FBXO25: variants seen among roughly 807,000 people sequenced by gnomAD.
FBXO25 encodes F-box only protein 25.
FBXO25 carries 45 observed loss-of-function variants against 51.9 expected under a neutral mutation model. The observed-to-expected ratio is 0.87, with a 90% confidence interval of 0.68 to 1.11. The LOEUF (loss-of-function observed/expected upper bound fraction) is 1.11. Ranked by LOEUF, FBXO25 falls within the 50% of genes most tolerant of loss-of-function variation. The pLI, the probability that FBXO25 is intolerant of heterozygous loss-of-function variation, is 0.00. For synonymous variants in FBXO25, 199 were observed against 151.0 expected (o/e 1.32, Z -2.33); for missense variants, 507 against 428.5 (o/e 1.18, Z -1.62).
chr8:408,555 G>C (rs1288033854), intron 1 of FBXO25, among the ~76,000 whole-genome samples: 1 of 152,226 alleles, frequency 6.6e-6, no homozygotes, highest in Non-Finnish European at 1.5e-5. Flanking sequence ...GACAGTGTGA[G>C]GATTAAATGA....
chr8:462,382 G>C (rs1230036234), intron 8 of FBXO25, among the ~76,000 whole-genome samples: 1 of 151,970 alleles, frequency 6.6e-6, no homozygotes, highest in Non-Finnish European at 1.5e-5. Flanking sequence ...CTAGATATAA[G>C]TCTGTTATCA....
At chr8:467,734 T>G (rs763692638) in intron 9 of FBXO25, 2 of 1,614,132 alleles carry the variant, frequency 1.2e-6, no homozygotes, top group African/African-American at 1.3e-5. Context: ...ACCATCTTGC[T>G]TTACTATTCA....
chr8:429,899 C>G (rs1797715177), intron 2 of FBXO25, among the ~76,000 whole-genome samples: 1 of 152,208 alleles, frequency 6.6e-6, no homozygotes, highest in Non-Finnish European at 1.5e-5. Flanking sequence ...CCATCTAGGC[C>G]CAGATTCACA....
At chr8:423,708 G>C (rs570625326) in intron 2 of FBXO25, among the ~76,000 whole-genome samples, 1 of 152,314 alleles carries the variant, frequency 6.6e-6, no homozygotes, top group South Asian at 2.1e-4. Flanking sequence ...GGGCACCTGG[G>C]TTGATTCTGT....
chr8:457,183 A>G (rs1365634626), intron 7 of FBXO25, among the ~76,000 whole-genome samples: 1 of 152,196 alleles, frequency 6.6e-6, no homozygotes, highest in African/African-American at 2.4e-5. Flanking sequence ...TGGGGTCAGG[A>G]GCTGAGGCGG....
rs781303667 is a variant in FBXO25 at position 431,427 on chromosome 8, A to T, written c.221A>T (p.Asn74Ile). The T allele has an allele frequency of 6.6e-7, 1 of 1,518,944 alleles. No homozygotes were observed. The highest frequency in any genetic ancestry group is 1.2e-5 in the South Asian group (1 of 81,900). The allele number at this position is 1,518,944 out of a possible 1,614,324, so 94.1% of individuals were successfully genotyped here. A position where few individuals can be genotyped will look rare whatever the true frequency, so the allele number is the denominator to read the frequency against. Residue 74 changes from asparagine (N) to isoleucine (I), a missense_variant, in exon 3 of 10, where the codon AAT becomes ATT. By Grantham distance (149) the Asn-to-Ile change is moderately radical (BLOSUM62 -3). Transcript: ENST00000350302. ...AAAAGGAAAAAGGACCATTTTAGAAATGACACAAATACTCAAAGTAAGATC... is the reference window on the plus strand; with the variant it reads ...AAAAGGAAAAAGGACCATTTTAGAATTGACACAAATACTCAAAGTAAGATC... ...SKKRKKDHFRNDTNTQSFYRE... is the reference protein window; with the variant it reads ...SKKRKKDHFRIDTNTQSFYRE...
In FBXO25 at chr8:439,022, A is replaced by C. The variant is rs563750310; in HGVS notation, c.381+3315A>C. 1.3e-4 allele frequency among the ~76,000 whole-genome samples: 20 copies of C among 152,318 alleles called. No individual in the cohort carries two copies. The South Asian group carries it at 2.1e-3, about 16-fold the overall frequency. ...GTCAAAGTGGAGTAAGTGTGTCCCA[A>C]CTGCAGTGAGGAGCTGCACTTCCAT... is the stretch of plus-strand genomic sequence containing the variant. On this transcript the variant is annotated intron_variant, in intron 5 of 9. Coordinates refer to ENST00000350302, the MANE Select transcript of FBXO25 (RefSeq NM_183420.2).
chr8:419,040 A>C (rs113749793), intron 2 of FBXO25, among the ~76,000 whole-genome samples: 85 of 152,322 alleles, frequency 5.6e-4, no homozygotes, highest in Admixed American at 1.7e-3. Context: ...CATATTAAAA[A>C]CTTATACCTA....
chr8:408,712 C>T (rs1199542244), intron 1 of FBXO25, among the ~76,000 whole-genome samples: 2 of 152,140 alleles, frequency 1.3e-5, no homozygotes, highest in Non-Finnish European at 2.9e-5. Flanking sequence ...AGAGTTTCCA[C>T]CAGCAAATGA....
At position 432,897 on chromosome 8, in the gene FBXO25, G is replaced by A. The variant is rs765831284; in HGVS notation, c.250G>A (p.Glu84Lys). 3.9e-6 allele frequency: 6 copies of A among 1,552,204 alleles called. No homozygotes were observed. In the African/African-American group the frequency reaches 8.4e-5, roughly 22 times the overall value. ...AATTTTTATTCTAGGTTTTTATCGT[G>A]AAAAATGGATCTATGTCCATAAAGA... ...NDTNTQSFYR[E>K]KWIYVHKEST... is the part of the protein sequence containing the mutation. Residue 84 changes from glutamate (E) to lysine (K), a missense_variant, in exon 4 of 10, where the codon GAA (glutamate) becomes AAA (lysine). By Grantham distance (56) the Glu-to-Lys change is moderately conservative. Transcript: ENST00000350302.
chr8:463,394 G>C (rs377733677), intron 9 of FBXO25, among the ~76,000 whole-genome samples: 2 of 152,210 alleles, frequency 1.3e-5, no homozygotes, highest in East Asian at 3.8e-4. Flanking sequence ...GCAGGAGGGC[G>C]TTGCAGGCGG....
chr8:407,987 C>G lies in FBXO25; in HGVS notation c.-8+921C>G, dbSNP rs1796266372. ...AAGCTGTCTCTTGCTGCCTCCAAATCCTTACCATCCGGCCCTAATCAGAAA... is the reference window on the plus strand; with the variant it reads ...AAGCTGTCTCTTGCTGCCTCCAAATGCTTACCATCCGGCCCTAATCAGAAA... On this transcript the variant is annotated intron_variant, in intron 1 of 9. Transcript: ENST00000350302. Among the ~76,000 whole-genome samples the G allele has an allele frequency of 3.3e-5, 5 of 152,326 alleles. No individual in the cohort carries two copies. The South Asian group carries it at 1.0e-3, about 32-fold the overall frequency.
At chr8:436,916 C>T (rs1360326843) in intron 5 of FBXO25, among the ~76,000 whole-genome samples, 6 of 152,134 alleles carry the variant, frequency 3.9e-5, no homozygotes, top group Non-Finnish European at 7.3e-5. Context: ...TCGTTGGCTC[C>T]TGGTGGTTTC....
chr8:414,412 T>C (rs1444423713), intron 2 of FBXO25, among the ~76,000 whole-genome samples: 1 of 152,220 alleles, frequency 6.6e-6, no homozygotes, highest in African/African-American at 2.4e-5. Flanking sequence ...TTACTCCCAG[T>C]AGCCACTATT....
At chr8:468,028 C>T in intron 9 of FBXO25, 2 of 1,293,890 alleles carry the variant, frequency 1.5e-6, no homozygotes, top group Non-Finnish European at 2.0e-6. Context: ...TTTGGCAGCA[C>T]TGCCAGGGCA....
At chr8:451,846 C>G (rs1224560305) in intron 7 of FBXO25, among the ~76,000 whole-genome samples, 3 of 152,114 alleles carry the variant, frequency 2.0e-5, no homozygotes, top group African/African-American at 7.2e-5. Flanking sequence ...TCCTTGCTGT[C>G]TTTTTTGGGG....
intron 1 of FBXO25, among the ~76,000 whole-genome samples, chr8:409,404 A>G (rs1258359536): frequency 6.6e-6 from 1 of 152,102 alleles, no homozygotes; most frequent in Admixed American, 6.5e-5. Context: ...ACTCCTTTCA[A>G]CCCTTAAAAA....
At chr8:451,116 CT>C in intron 6 of FBXO25, 152 bp from the exon 7 acceptor site, 1 of 614,064 alleles carries the variant, frequency 1.6e-6, no homozygotes. Flanking sequence ...AATTTCCCTC[CT>C]TTTTAGGGCT....
chr8:442,858 A>G (rs185498078), intron 5 of FBXO25, among the ~76,000 whole-genome samples: 147 of 152,340 alleles, frequency 9.6e-4, no homozygotes, highest in Admixed American at 3.1e-3. Flanking sequence ...ATATATTTAC[A>G]TGTATATTTT....
Sources: gnomAD v4.1 joint callset for allele counts (sites outside exome capture counted in the v4.1 genomes callset) on GRCh38, gnomAD v4.1.1 for gene constraint, MANE v1.5 for transcripts, NCBI Gene and HGNC (gene_info 2026-07-23, HGNC 2026-07-21) for gene names.